AGBL4: variants seen among roughly 807,000 people sequenced by gnomAD.
AGBL4 encodes the protein AGBL carboxypeptidase 4.
A neutral mutation model predicts 66.4 loss-of-function variants in AGBL4; 58 were observed. That is an observed-to-expected ratio of 0.87 (90% CI 0.71 to 1.09). AGBL4 has a LOEUF of 1.09. Among genes scored for constraint, AGBL4 ranks in the 50% least tolerant of loss-of-function variants. AGBL4 has a pLI of 0.00. For synonymous variants in AGBL4, 234 were observed against 222.9 expected (o/e 1.05, Z -0.44); for missense variants, 579 against 631.0 (o/e 0.92, Z 0.88).
chr1:49,946,892 G>T (rs1247520431), intron 1 of AGBL4, among the ~76,000 whole-genome samples: 1 of 151,764 alleles, frequency 6.6e-6, no homozygotes, highest in Admixed American at 6.6e-5. Flanking sequence ...TGACACGATA[G>T]AAATACAAAA....
intron 1 of AGBL4, among the ~76,000 whole-genome samples, chr1:49,878,953 G>C (rs1571782511): frequency 2.0e-5 from 2 of 101,582 alleles, no homozygotes; most frequent in East Asian, 5.3e-4. Context: ...TTGGTTTAAA[G>C]TCTGTTTTAT....
intron 6 of AGBL4, among the ~76,000 whole-genome samples, chr1:48,684,715 CT>C (rs5774015): frequency 0.031 from 4,673 of 150,668 alleles, 238 homozygotes; most frequent in African/African-American, 0.1. Flanking sequence ...AAAATAAAAA[CT>C]TTTTTTTTTC....
intron 6 of AGBL4, among the ~76,000 whole-genome samples, chr1:48,791,935 G>T (rs188488850): frequency 1.6e-3 from 249 of 152,292 alleles, no homozygotes; most frequent in African/African-American, 5.4e-3. Context: ...ACAAGAAATG[G>T]TCCTTACCCT....
chr1:49,866,612 A>T (rs1398155745), intron 1 of AGBL4, among the ~76,000 whole-genome samples: 1 of 152,002 alleles, frequency 6.6e-6, no homozygotes, highest in Non-Finnish European at 1.5e-5. Context: ...AAAAATGCAA[A>T]TATTAGCCGG....
chr1:49,756,155 T>C (rs1012408144), intron 2 of AGBL4, among the ~76,000 whole-genome samples: 5 of 152,202 alleles, frequency 3.3e-5, no homozygotes, highest in African/African-American at 1.2e-4. Flanking sequence ...TTAAATAAGA[T>C]ATTTTGACTT....
chr1:48,776,365 G>C (rs1423571660), intron 6 of AGBL4, among the ~76,000 whole-genome samples: 3 of 152,144 alleles, frequency 2.0e-5, no homozygotes, highest in Non-Finnish European at 4.4e-5. Context: ...AGATGAAGAC[G>C]GACTGACAGC....
At chr1:48,637,489 G>A (rs946970846) in intron 8 of AGBL4, among the ~76,000 whole-genome samples, 52 of 152,120 alleles carry the variant, frequency 3.4e-4, no homozygotes, top group Admixed American at 2.7e-3. Context: ...CTCCCTCCAC[G>A]GAAGCCAGAT....
intron 3 of AGBL4, among the ~76,000 whole-genome samples, chr1:49,587,659 A>G (rs928154574): frequency 6.6e-6 from 1 of 152,160 alleles, no homozygotes; most frequent in Non-Finnish European, 1.5e-5. Flanking sequence ...GTCTGGCATC[A>G]TGTTGCTAAA....
intron 2 of AGBL4, among the ~76,000 whole-genome samples, chr1:49,849,992 A>C (rs1646265854): frequency 6.6e-6 from 1 of 152,212 alleles, no homozygotes; most frequent in African/African-American, 2.4e-5. Context: ...GCACTAGTAC[A>C]AGATTTATAG....
chr1:49,053,309 C>G (rs1053896993), intron 4 of AGBL4, among the ~76,000 whole-genome samples: 8 of 152,090 alleles, frequency 5.3e-5, no homozygotes, highest in Non-Finnish European at 1.0e-4. Flanking sequence ...CTTTTGCAGA[C>G]CCAAAGTAAC....
chr1:49,128,957 T>C (rs1645824587), intron 4 of AGBL4, among the ~76,000 whole-genome samples: 1 of 151,910 alleles, frequency 6.6e-6, no homozygotes, highest in African/African-American at 2.4e-5. Context: ...TAATAAATCA[T>C]ATACGTGATA....
At chr1:48,919,161 G>T (rs545289098) in intron 5 of AGBL4, among the ~76,000 whole-genome samples, 5 of 152,012 alleles carry the variant, frequency 3.3e-5, no homozygotes, top group Non-Finnish European at 7.4e-5. Flanking sequence ...AGGGATTTTG[G>T]TCTAAAAGTG....
At chr1:49,335,673 A>G (rs890871315) in intron 3 of AGBL4, among the ~76,000 whole-genome samples, 2 of 151,678 alleles carry the variant, frequency 1.3e-5, no homozygotes, top group East Asian at 2.0e-4. Flanking sequence ...CCGCCACCAC[A>G]CCCGGCTAAT....
Position 49,543,505 on chromosome 1 carries a change from A to G in AGBL4, c.282+153808T>C, listed in dbSNP as rs199821011. Among the ~76,000 whole-genome samples, 5 of 152,194 alleles carry G rather than the reference A, an allele frequency of 3.3e-5. No individual in the cohort carries two copies. In the East Asian group the frequency reaches 9.7e-4, roughly 29 times the overall value. On this transcript the variant is annotated intron_variant, in intron 3 of 13. Transcript: ENST00000371839. ...AAAATAGGGCAAGCAGAAGAAAAGCACACTCAGGCCTTTTAGCGATGTCTG... is the reference window on the plus strand; with the variant it reads ...AAAATAGGGCAAGCAGAAGAAAAGCGCACTCAGGCCTTTTAGCGATGTCTG...
intron 1 of AGBL4, among the ~76,000 whole-genome samples, chr1:49,921,605 A>G (rs988701607): frequency 2.0e-5 from 3 of 152,182 alleles, no homozygotes; most frequent in African/African-American, 7.2e-5. Context: ...AAAGTAGTGA[A>G]GCCAACAGAG....
chr1:49,237,186 C>T (rs1166809906), intron 4 of AGBL4, among the ~76,000 whole-genome samples: 1 of 151,730 alleles, frequency 6.6e-6, no homozygotes, highest in Non-Finnish European at 1.5e-5. Context: ...TGGAGTGAAC[C>T]TGGGAGGTGG....
At chr1:48,627,707 A>C (rs1645528060) in intron 9 of AGBL4, among the ~76,000 whole-genome samples, 1 of 152,200 alleles carries the variant, frequency 6.6e-6, no homozygotes, top group Non-Finnish European at 1.5e-5. Context: ...AGCTGCAGCC[A>C]AGTTGTTATA....
intron 2 of AGBL4, among the ~76,000 whole-genome samples, chr1:49,826,480 C>T (rs1224950136): frequency 6.6e-6 from 1 of 152,226 alleles, no homozygotes; most frequent in Non-Finnish European, 1.5e-5. Context: ...CACATCTACA[C>T]TTGGCTCCTT....
At position 48,776,254 on chromosome 1, in the gene AGBL4, G is replaced by A. The variant is rs187808997; in HGVS notation, c.634+90937C>T. On this transcript the variant is annotated intron_variant, in intron 6 of 13. Transcript: ENST00000371839. ...ACTGGGAGAGAGGTAAAGAGAAGGT[G>A]AGAGAGAAATGACGGTACAAACAGG... 3.1e-3 allele frequency among the ~76,000 whole-genome samples: 476 copies of A among 152,312 alleles called. 2 individuals are homozygous for A. The highest frequency in any genetic ancestry group is 0.01 in the African/African-American group (424 of 41,562).
Sources: gnomAD v4.1 joint callset for allele counts (sites outside exome capture counted in the v4.1 genomes callset) on GRCh38, gnomAD v4.1.1 for gene constraint, MANE v1.5 for transcripts, NCBI Gene and HGNC (gene_info 2026-07-23, HGNC 2026-07-21) for gene names.